Variants in RFX6 observed in about 807,000 individuals in gnomAD.
RFX6 encodes the protein DNA-binding protein RFX6.
A neutral mutation model predicts 110.8 loss-of-function variants in RFX6; 50 were observed. The observed-to-expected ratio is 0.45, with a 90% confidence interval of 0.36 to 0.57. The LOEUF (loss-of-function observed/expected upper bound fraction) is 0.57. Among genes scored for constraint, RFX6 ranks in the 20% least tolerant of loss-of-function variants. RFX6 has a pLI of 0.00. For missense variants in RFX6, 990 were observed against 1,127.0 expected (o/e 0.88, Z 1.74); for synonymous variants, 383 against 411.2 (o/e 0.93, Z 0.83).
intron 11 of RFX6, 113 bp from the exon 12 acceptor site, chr6:116,920,197 A>C (rs1775561741): frequency 1.2e-6 from 1 of 864,776 alleles, no homozygotes; most frequent in Non-Finnish European, 2.0e-6. Context: ...AATAAGAAAA[A>C]AGTTATTTAT....
chr6:116,899,366 C>A (rs1244394605), intron 6 of RFX6, among the ~76,000 whole-genome samples: 2 of 151,852 alleles, frequency 1.3e-5, no homozygotes, highest in South Asian at 4.2e-4. Context: ...GAAGAATATA[C>A]AGGAAGTAAT....
At chr6:116,878,174 CG>C (rs1295973268) in intron 2 of RFX6, among the ~76,000 whole-genome samples, 8 of 152,148 alleles carry the variant, frequency 5.3e-5, no homozygotes, top group African/African-American at 1.9e-4. Flanking sequence ...AACCACATTA[CG>C]TTGTTCCTTA....
chr6:116,893,029 C>T lies in RFX6; in HGVS notation c.567-958C>T, dbSNP rs143356381. On this transcript the variant is annotated intron_variant, in intron 4 of 18. Coordinates refer to ENST00000332958, the MANE Select transcript of RFX6 (RefSeq NM_173560.4). The stretch of plus-strand genomic sequence containing the variant: ...CTCAGATGGTGGTGCTCGGAAACAA[C>T]GTTTTAAAATATAATTAGGCTGATG... 4.6e-5 allele frequency among the ~76,000 whole-genome samples: 7 copies of T among 151,998 alleles called. 1 individual carries two copies. In the East Asian group the frequency reaches 7.7e-4, roughly 17 times the overall value.
In RFX6 at chr6:116,927,310, G is replaced by A; in HGVS notation, c.2169G>A (p.Glu723=). 6.2e-7 allele frequency: 1 copy of A among 1,614,176 alleles called. No homozygotes were observed. The highest frequency in any genetic ancestry group is 8.5e-7 in the Non-Finnish European group (1 of 1,180,006). ...CAGGACTCTATCCTCATCACACCGA[G>A]CATGGTCGATGCATGGCTTGGACTG... The part of the protein sequence containing the change: ...STSGLYPHHT[E]HGRCMAWTEQ... The change falls in exon 17 of 19, where the codon GAG becomes GAA. Residue 723 remains glutamate (E), a synonymous_variant. Transcript: ENST00000332958.
intron 6 of RFX6, among the ~76,000 whole-genome samples, chr6:116,908,823 G>A (rs1318513591): frequency 6.6e-6 from 1 of 151,856 alleles, no homozygotes; most frequent in East Asian, 1.9e-4. Flanking sequence ...TCCTCTGTTT[G>A]TTGTTAATAT....
Position 116,916,267 on chromosome 6 carries a change from C to A in RFX6, c.925C>A (p.Pro309Thr). 6.2e-7 allele frequency: 1 copy of A among 1,612,582 alleles called. No individual in the cohort carries two copies. The highest frequency in any genetic ancestry group is 8.5e-7 in the Non-Finnish European group (1 of 1,179,154). Residue 309 changes from proline to threonine, a missense_variant, in exon 9 of 19, where the codon CCT (proline) becomes ACT (threonine). Physicochemically the swap from Pro to Thr is conservative, Grantham distance 38. Transcript: ENST00000332958. ...CCATCTCCTTCCCCTGCTCGAAAAT[C>A]CTGTTATCATTGATATTTTCTGTGT... is the stretch of plus-strand genomic sequence containing the variant. Reference protein sequence around the residue: ...PDHLLPLLENPVIIDIFCVCD... With the variant: ...PDHLLPLLENTVIIDIFCVCD...
At chr6:116,928,697 T>G in intron 17 of RFX6, 62 bp from the exon 18 acceptor site, 1 of 1,153,764 alleles carries the variant, frequency 8.7e-7, no homozygotes, top group Admixed American at 1.7e-5. Flanking sequence ...TTGTCACTTT[T>G]TTCCTTCCTG....
At chr6:116,919,782 A>G (rs909732273) in intron 11 of RFX6, among the ~76,000 whole-genome samples, 2 of 152,216 alleles carry the variant, frequency 1.3e-5, no homozygotes, top group African/African-American at 4.8e-5. Context: ...TGGCTCTTTT[A>G]AATAGAGCAA....
chr6:116,908,003 G>A (rs1369182284), intron 6 of RFX6, among the ~76,000 whole-genome samples: 1 of 152,028 alleles, frequency 6.6e-6, no homozygotes, highest in Non-Finnish European at 1.5e-5. Context: ...TTTTGTTAAT[G>A]TATAATATCC....
chr6:116,919,065 A>C (rs1775535135), intron 10 of RFX6, 72 bp from the exon 11 acceptor site: 2 of 1,327,098 alleles, frequency 1.5e-6, no homozygotes, highest in East Asian at 4.6e-5. Flanking sequence ...ATAATAGTAT[A>C]CCTCAATTAA....
intron 7 of RFX6, among the ~76,000 whole-genome samples, chr6:116,914,633 A>G (rs1246489133): frequency 6.6e-6 from 1 of 152,216 alleles, no homozygotes; most frequent in Non-Finnish European, 1.5e-5. Context: ...CAGCTCCTTC[A>G]GATGGATCAA....
intron 4 of RFX6, among the ~76,000 whole-genome samples, chr6:116,883,872 A>C (rs1308279135): frequency 1.3e-5 from 2 of 152,102 alleles, no homozygotes; most frequent in South Asian, 2.1e-4. Context: ...CTGACCTTTT[A>C]AAGTTGAGAT....
intron 14 of RFX6, 37 bp from the exon 15 acceptor site, chr6:116,924,632 C>T (rs761016764): frequency 5.7e-6 from 9 of 1,590,882 alleles, no homozygotes; most frequent in Non-Finnish European, 7.8e-6. Flanking sequence ...TTTTACATTT[C>T]ACACTGTCCT....
In RFX6 at chr6:116,919,118, C is replaced by G. The variant is rs1775536481; in HGVS notation, c.1023-19C>G. The G allele has an allele frequency of 6.2e-7, 1 of 1,607,400 alleles. No individual in the cohort carries two copies. Among genetic ancestry groups the G allele is most frequent in the Admixed American group, 1.7e-5 (1 of 59,928 alleles). On this transcript the variant is annotated intron_variant, in intron 10 of 18. Coordinates refer to ENST00000332958, the MANE Select transcript of RFX6 (RefSeq NM_173560.4). ...CATTTTTTAACAATGAAGCATTTAACACATAGCCTTCTTTGTAGCTTATTA... is the reference window on the plus strand; with the variant it reads ...CATTTTTTAACAATGAAGCATTTAAGACATAGCCTTCTTTGTAGCTTATTA...
chr6:116,922,218 T>G (rs987054338), intron 13 of RFX6, 67 bp downstream of exon 13: 19 of 844,390 alleles, frequency 2.3e-5, no homozygotes, highest in Non-Finnish European at 3.1e-5. Flanking sequence ...CTGGCTATAA[T>G]TTTTTGTCTG....
chr6:116,885,533 C>CCCA (rs909596024), intron 4 of RFX6, among the ~76,000 whole-genome samples: 23 of 152,086 alleles, frequency 1.5e-4, no homozygotes, highest in Non-Finnish European at 3.1e-4. Flanking sequence ...TATTGGCTTG[C>CCCA]CCAAGGCCAC....
intron 17 of RFX6, among the ~76,000 whole-genome samples, chr6:116,927,754 T>TTTTA: frequency 6.7e-6 from 1 of 149,164 alleles, no homozygotes; most frequent in Non-Finnish European, 1.5e-5. Flanking sequence ...TTTTTTTTTT[T>TTTTA]TTTTTTTTGA....
At position 116,918,516 on chromosome 6, in the gene RFX6, A is replaced by C. The variant is rs534931875; in HGVS notation, c.1022+430A>C. The stretch of plus-strand genomic sequence containing the variant: ...TACTGCCTTCTTTTAACAAAGGAAT[A>C]AAATCTCAAATAGTTTATTGAAACA... On this transcript the variant is annotated intron_variant, in intron 10 of 18. Transcript: ENST00000332958. Among the ~76,000 whole-genome samples the C allele has an allele frequency of 1.0e-3, 157 of 152,018 alleles. 1 individual carries two copies. The highest frequency in any genetic ancestry group is 3.4e-3 in the Middle Eastern group (1 of 294).
At chr6:116,928,638 C>A in intron 17 of RFX6, 121 bp from the exon 18 acceptor site, 1 of 732,742 alleles carries the variant, frequency 1.4e-6, no homozygotes, top group Non-Finnish European at 2.5e-6. Flanking sequence ...TGTATAGATA[C>A]ACATGTAATA....
Sources: gnomAD v4.1 joint callset for allele counts (sites outside exome capture counted in the v4.1 genomes callset) on GRCh38, gnomAD v4.1.1 for gene constraint, MANE v1.5 for transcripts, NCBI Gene and HGNC (gene_info 2026-07-23, HGNC 2026-07-21) for gene names.